Variants in SH3RF3 observed in about 807,000 individuals in gnomAD.
SH3RF3 encodes SH3 domain containing ring finger 3.
SH3RF3 carries 29 observed loss-of-function variants against 66.3 expected under a neutral mutation model. That is an observed-to-expected ratio of 0.44 (90% CI 0.33 to 0.60). The LOEUF (loss-of-function observed/expected upper bound fraction) is 0.60. Among genes scored for constraint, SH3RF3 ranks in the 20% least tolerant of loss-of-function variants. The pLI is 0.04. For missense variants in SH3RF3, 1,194 were observed against 1,190.9 expected, an observed-to-expected ratio of 1.00 and a Z score of -0.04; for synonymous variants, 583 against 532.0, an observed-to-expected ratio of 1.10 and a Z score of -1.32.
chr2:109,155,465 G>A (rs769167564), intron 1 of SH3RF3, among the ~76,000 whole-genome samples: 2 of 152,092 alleles, frequency 1.3e-5, no homozygotes, highest in African/African-American at 2.4e-5. Context: ...ACCACGCCTG[G>A]CTAATTTTTG....
intron 1 of SH3RF3, among the ~76,000 whole-genome samples, chr2:109,241,932 C>A (rs1234361326): frequency 1.3e-5 from 2 of 151,884 alleles, no homozygotes; most frequent in East Asian, 3.9e-4. Flanking sequence ...CTGCTTGGAC[C>A]TGAGACACGA....
chr2:109,179,850 G>A (rs1414472911), intron 1 of SH3RF3, among the ~76,000 whole-genome samples: 3 of 152,174 alleles, frequency 2.0e-5, no homozygotes, highest in Non-Finnish European at 2.9e-5. Context: ...GCTAAACCAC[G>A]CTGTCTCTTA....
chr2:109,198,649 T>C (rs998134131), intron 1 of SH3RF3, among the ~76,000 whole-genome samples: 1 of 152,202 alleles, frequency 6.6e-6, no homozygotes, highest in African/African-American at 2.4e-5. Flanking sequence ...ACAGCCAGTG[T>C]CTTGCTCCTC....
chr2:109,185,011 AC>A (rs1319974291), intron 1 of SH3RF3, among the ~76,000 whole-genome samples: 1 of 152,226 alleles, frequency 6.6e-6, no homozygotes, highest in Non-Finnish European at 1.5e-5. Context: ...AGCACCACCT[AC>A]CTGATTAAAA....
intron 8 of SH3RF3, among the ~76,000 whole-genome samples, chr2:109,490,326 G>A (rs908573643): frequency 5.3e-5 from 8 of 152,086 alleles, no homozygotes; most frequent in African/African-American, 1.4e-4. Flanking sequence ...TTGGTGTCCC[G>A]AAGCTCCAGG....
intron 4 of SH3RF3, among the ~76,000 whole-genome samples, chr2:109,406,841 C>T (rs1368986900): frequency 2.6e-5 from 4 of 152,146 alleles, no homozygotes; most frequent in African/African-American, 7.2e-5. Flanking sequence ...ATGCGCATTT[C>T]AGTGGTCGAA....
intron 1 of SH3RF3, among the ~76,000 whole-genome samples, chr2:109,196,026 GT>G (rs1252313495): frequency 6.6e-6 from 1 of 152,220 alleles, no homozygotes; most frequent in Non-Finnish European, 1.5e-5. Flanking sequence ...ACGCACACCT[GT>G]TTTTCCAAAG....
At chr2:109,480,574 C>T (rs995606632) in intron 8 of SH3RF3, among the ~76,000 whole-genome samples, 8 of 152,148 alleles carry the variant, frequency 5.3e-5, no homozygotes, top group African/African-American at 1.4e-4. Context: ...CAGGAAGTCT[C>T]GCAGGGTAGA....
At chr2:109,200,938 C>T (rs1364389817) in intron 1 of SH3RF3, among the ~76,000 whole-genome samples, 1 of 152,174 alleles carries the variant, frequency 6.6e-6, no homozygotes, top group East Asian at 1.9e-4. Flanking sequence ...TAGTGCAGAC[C>T]TCGCAGTGGC....
intron 1 of SH3RF3, among the ~76,000 whole-genome samples, chr2:109,272,623 T>A (rs770882507): frequency 6.6e-6 from 1 of 152,244 alleles, no homozygotes; most frequent in Non-Finnish European, 1.5e-5. Flanking sequence ...GGTGAGCACA[T>A]GCTTCCGCAC....
chr2:109,131,512 C>T (rs1207476593), intron 1 of SH3RF3, among the ~76,000 whole-genome samples: 1 of 152,072 alleles, frequency 6.6e-6, no homozygotes, highest in Non-Finnish European at 1.5e-5. Flanking sequence ...ATATTCGGAG[C>T]CCCGCTTCTA....
At position 109,302,638 on chromosome 2, in the gene SH3RF3, G is replaced by A. The variant is rs559778943; in HGVS notation, c.574-45036G>A. On this transcript the variant is annotated intron_variant, in intron 1 of 9. Transcript: ENST00000309415. ...CGTAGGGGATTAGCCAGCCCAGGCCGCCAGGTCTGGCTCGGGATGGCGTGA... is the reference window on the plus strand; with the variant it reads ...CGTAGGGGATTAGCCAGCCCAGGCCACCAGGTCTGGCTCGGGATGGCGTGA... Among the ~76,000 whole-genome samples, 193 of 152,318 alleles carry A rather than the reference G, an allele frequency of 1.3e-3. 1 individual carries two copies. Among genetic ancestry groups the A allele is most frequent in the African/African-American group, 4.4e-3 (182 of 41,586 alleles).
intron 1 of SH3RF3, among the ~76,000 whole-genome samples, chr2:109,153,593 C>T (rs1477695462): frequency 1.3e-5 from 2 of 152,102 alleles, no homozygotes; most frequent in Admixed American, 6.5e-5. Flanking sequence ...GACAGATGCC[C>T]TGTGTGTGTG....
chr2:109,461,405 A>G (rs1356668630), intron 8 of SH3RF3, among the ~76,000 whole-genome samples: 2,540 of 96,840 alleles, frequency 0.026, no homozygotes, highest in Middle Eastern at 0.069. Flanking sequence ...CCACCTGCCA[A>G]AGGCCCCACG....
At chr2:109,430,387 G>A (rs1677160475) in intron 5 of SH3RF3, among the ~76,000 whole-genome samples, 1 of 152,166 alleles carries the variant, frequency 6.6e-6, no homozygotes, top group African/African-American at 2.4e-5. Context: ...AGTCCTCCCT[G>A]CACTCTTCCT....
Position 109,307,421 on chromosome 2 carries a change from CT to C in SH3RF3, c.574-40242del, listed in dbSNP as rs773967478. Reference sequence around the variant, plus strand: ...GGAAGCTTGGAGCAGATAAGATGCACTTTTTTTTTTTATTATTATACTTTAA... The same window carrying C: ...GGAAGCTTGGAGCAGATAAGATGCACTTTTTTTTTTATTATTATACTTTAA... On this transcript the variant is annotated intron_variant, in intron 1 of 9. Coordinates refer to ENST00000309415, the MANE Select transcript of SH3RF3 (RefSeq NM_001099289.3). 2.4e-3 allele frequency among the ~76,000 whole-genome samples: 303 copies of C among 123,776 alleles called. 2 individuals carry two copies. Among genetic ancestry groups the C allele is most frequent in the African/African-American group, 9.6e-3 (250 of 25,914 alleles). 81.2% of individuals were successfully genotyped at this position (123,776 alleles called of 152,430 possible).
chr2:109,270,319 C>G (rs535344961), intron 1 of SH3RF3, among the ~76,000 whole-genome samples: 9 of 152,124 alleles, frequency 5.9e-5, no homozygotes, highest in Non-Finnish European at 1.3e-4. Flanking sequence ...GTTGGAGTGC[C>G]GGGCATGGGG....
chr2:109,398,892 C>T lies in SH3RF3; in HGVS notation c.1248C>T (p.Ala416=), dbSNP rs372845928. ...TGATCAGCTCCAGCGATCCCCGAGCCGCGGCCAGGATTGGAGACCTTGCTC... is the reference window on the plus strand; with the variant it reads ...TGATCAGCTCCAGCGATCCCCGAGCTGCGGCCAGGATTGGAGACCTTGCTC... ...PVLISSSDPR[A]AARIGDLAHL... Residue 416 remains alanine (A), a synonymous_variant, in exon 4 of 10, where the codon GCC becomes GCT. Transcript: ENST00000309415. 111 of 1,613,578 alleles carry T rather than the reference C, an allele frequency of 6.9e-5. 1 individual carries two copies. Among genetic ancestry groups the T allele is most frequent in the African/African-American group, 9.3e-5 (7 of 74,928 alleles).
intron 1 of SH3RF3, among the ~76,000 whole-genome samples, chr2:109,266,359 C>T (rs1271124917): frequency 6.6e-6 from 1 of 151,514 alleles, no homozygotes; most frequent in Non-Finnish European, 1.5e-5. Context: ...TACACAGGAT[C>T]CACTCTGCAT....
Sources: allele counts gnomAD v4.1 joint callset (sites outside exome capture counted in the v4.1 genomes callset), GRCh38; gene constraint gnomAD v4.1.1; transcripts MANE v1.5; gene names NCBI Gene and HGNC (gene_info 2026-07-23, HGNC 2026-07-21).